The following WNT9A variants were observed in gnomAD, a reference collection of about 807,000 sequenced individuals.
WNT9A encodes the protein protein Wnt-9a.
Under a neutral mutation model 31.4 loss-of-function variants are expected in WNT9A, and 8 were observed. The ratio of observed to expected loss-of-function variants is 0.26; its 90% CI spans 0.15 to 0.46. The LOEUF is 0.46. Ranked by LOEUF, WNT9A falls within the 20% of genes least tolerant of loss-of-function variation. The pLI is 0.99. For synonymous variants in WNT9A, 236 were observed against 220.1 expected (o/e 1.07, Z -0.64); for missense variants, 457 against 522.9 (o/e 0.87, Z 1.23).
At chr1:227,932,978 G>A (rs986813950) in intron 1 of WNT9A, among the ~76,000 whole-genome samples, 1 of 152,220 alleles carries the variant, frequency 6.6e-6, no homozygotes, top group African/African-American at 2.4e-5. Flanking sequence ...ATGGGCATTG[G>A]CTTTAACTTA....
chr1:227,933,000 C>G (rs190761796), intron 1 of WNT9A, among the ~76,000 whole-genome samples: 8 of 152,346 alleles, frequency 5.3e-5, no homozygotes, highest in Non-Finnish European at 1.2e-4. Context: ...AAGTTACCAG[C>G]TGCATTAGCC....
At chr1:227,946,397 C>G (rs1471710035) in intron 1 of WNT9A, among the ~76,000 whole-genome samples, 1 of 152,228 alleles carries the variant, frequency 6.6e-6, no homozygotes, top group Admixed American at 6.5e-5. Flanking sequence ...GGCCGGAGAG[C>G]AGGGAAGCAC....
At chr1:227,940,998 G>A (rs1476353401) in intron 1 of WNT9A, among the ~76,000 whole-genome samples, 3 of 152,394 alleles carry the variant, frequency 2.0e-5, no homozygotes, top group Non-Finnish European at 4.4e-5. Flanking sequence ...AGGAAAACCA[G>A]GGTCACGTCC....
chr1:227,942,736 G>A lies in WNT9A; in HGVS notation c.95+5057C>T, dbSNP rs1167594191. On this transcript the variant is annotated intron_variant, in intron 1 of 3. Coordinates refer to ENST00000272164, the MANE Select transcript of WNT9A (RefSeq NM_003395.4). This position sits in a 1 kb window ranked among gnomAD's most constrained non-coding sequence, Gnocchi z 5.7. ...TGCCAGGCCCCACATGCTTCCTGGG[G>A]TGTCCTAAGTTGTTGGAGGGGGTGG... Among the ~76,000 whole-genome samples the A allele has an allele frequency of 1.3e-5, 2 of 152,132 alleles. No individual in the cohort carries two copies. The highest frequency in any genetic ancestry group is 2.9e-5 in the Non-Finnish European group (2 of 68,004).
At chr1:227,941,189 G>A (rs942426900) in intron 1 of WNT9A, among the ~76,000 whole-genome samples, 1 of 152,218 alleles carries the variant, frequency 6.6e-6, no homozygotes, top group African/African-American at 2.4e-5. Flanking sequence ...TGGGCTGCCA[G>A]GTGAATGAGT....
intron 1 of WNT9A, among the ~76,000 whole-genome samples, chr1:227,938,532 C>T (rs554034904): frequency 2.3e-4 from 35 of 152,202 alleles, no homozygotes; most frequent in African/African-American, 8.2e-4. Context: ...TACACACAGA[C>T]ACACCCATAT....
At position 227,920,311 on chromosome 1, in the gene WNT9A, A is replaced by G. The variant is rs1666288992; in HGVS notation, c.*1207T>C. ...CATCTATCTCGATTTAGTGGTTTCAAACAACTAAGCAGATCAGAGGCAGGG... is the reference window on the plus strand; with the variant it reads ...CATCTATCTCGATTTAGTGGTTTCAGACAACTAAGCAGATCAGAGGCAGGG... On this transcript the variant is annotated 3_prime_UTR_variant, in exon 4 of 4. Coordinates refer to ENST00000272164, the MANE Select transcript of WNT9A (RefSeq NM_003395.4). The G allele has an allele frequency of 6.6e-6, 1 of 152,250 alleles. No homozygotes were observed. The allele number at this position is 152,250 out of a possible 1,614,324, so 9.4% of individuals were successfully genotyped here. A position where few individuals can be genotyped will look rare whatever the true frequency, so the allele number is the denominator to read the frequency against.
Position 227,921,408 on chromosome 1 carries a change from C to A in WNT9A, c.*110G>T, listed in dbSNP as rs1381165982. 7.4e-6 allele frequency: 11 copies of A among 1,495,036 alleles called. No homozygotes were observed. The highest frequency in any genetic ancestry group is 1.3e-5 in the South Asian group (1 of 75,672). 92.6% of individuals were successfully genotyped at this position (1,495,036 alleles called of 1,614,324 possible). ...CACACTGTGTGCAATGCCTGTACCC[C>A]ACGCAGCTGGGCTGGTCGAGCCCAG... On this transcript the variant is annotated 3_prime_UTR_variant, in exon 4 of 4. Coordinates refer to ENST00000272164, the MANE Select transcript of WNT9A (RefSeq NM_003395.4).
At chr1:227,924,109 T>TCCA in intron 3 of WNT9A, 29 bp downstream of exon 3, 1 of 1,105,510 alleles carries the variant, frequency 9.0e-7, no homozygotes, top group Non-Finnish European at 1.2e-6. Context: ...GACCCTCCCT[T>TCCA]CCCACCCCGC....
At position 227,928,355 on chromosome 1, in the gene WNT9A, T is replaced by G. The variant is rs1482562844; in HGVS notation, c.96-2836A>C. ...CAGGCAGGGTGGGCAGGGTGGGCCG[T>G]TGGCACTGTCAGAAGGGTGTGGAGG... is the stretch of plus-strand genomic sequence containing the variant. On this transcript the variant is annotated intron_variant, in intron 1 of 3. Coordinates refer to ENST00000272164, the MANE Select transcript of WNT9A (RefSeq NM_003395.4). The surrounding 1 kb of genome is among the most constrained non-coding windows in gnomAD (Gnocchi z 4.5). Among the ~76,000 whole-genome samples, 1 of 152,020 alleles carries G rather than the reference T, an allele frequency of 6.6e-6. No homozygotes were observed. Among genetic ancestry groups the G allele is most frequent in the South Asian group, 2.1e-4 (1 of 4,826 alleles).
At position 227,924,014 on chromosome 1, in the gene WNT9A, G is replaced by A. The variant is rs563064944; in HGVS notation, c.615+124C>T. On this transcript the variant is annotated intron_variant, in intron 3 of 3. Coordinates refer to ENST00000272164, the MANE Select transcript of WNT9A (RefSeq NM_003395.4). ...GCACGGCCTCCACCCTCCTACAGGA[G>A]GCCACTCCACTGTGTGCCTGCCTGC... 1.5e-5 allele frequency: 20 copies of A among 1,351,720 alleles called. No homozygotes were observed. In the African/African-American group the frequency reaches 2.6e-4, roughly 18 times the overall value. The allele number at this position is 1,351,720 out of a possible 1,614,324, so 83.7% of individuals were successfully genotyped here. A position where few individuals can be genotyped will look rare whatever the true frequency, so the allele number is the denominator to read the frequency against.
At position 227,921,546 on chromosome 1, in the gene WNT9A, C is replaced by A. The variant is rs145836311; in HGVS notation, c.1070G>T (p.Arg357Leu). The change falls in exon 4 of 4, where the codon CGT becomes CTT. Residue 357 changes from arginine (R) to leucine (L), a missense_variant. By Grantham distance (102) the Arg-to-Leu change is moderately radical (BLOSUM62 -2). Transcript: ENST00000272164. ...CYVECRQCTQREEVYTCKG is the reference protein window; with the variant it reads ...CYVECRQCTQLEEVYTCKG ...GCCCTTGCAGGTGTAGACCTCCTCA[C>A]GCTGCGTGCACTGCCTGCACTCCAC... 11 of 1,611,794 alleles carry A rather than the reference C, an allele frequency of 6.8e-6. No individual in the cohort carries two copies. The highest frequency in any genetic ancestry group is 1.1e-5 in the South Asian group (1 of 90,986).
intron 1 of WNT9A, among the ~76,000 whole-genome samples, chr1:227,935,215 G>A (rs1666573987): frequency 6.6e-6 from 1 of 150,710 alleles, no homozygotes; most frequent in Admixed American, 6.6e-5. Flanking sequence ...GCAGACCCCA[G>A]ATCACACCCC....
At chr1:227,944,749 G>C (rs1666768566) in intron 1 of WNT9A, among the ~76,000 whole-genome samples, 2 of 152,262 alleles carry the variant, frequency 1.3e-5, no homozygotes, top group Non-Finnish European at 2.9e-5. Context: ...AGAGAAGGGG[G>C]CAAATTGGCA....
At chr1:227,943,557 G>C (rs2102731893) in intron 1 of WNT9A, among the ~76,000 whole-genome samples, 1 of 152,340 alleles carries the variant, frequency 6.6e-6, no homozygotes, top group Non-Finnish European at 1.5e-5. Context: ...ACACCCACTA[G>C]GATGGCTGCG....
rs142445920 is a variant in WNT9A at position 227,942,881 on chromosome 1, C to T, written c.95+4912G>A. Among the ~76,000 whole-genome samples, 322 of 152,316 alleles carry T rather than the reference C, an allele frequency of 2.1e-3. 1 individual carries two copies. Among genetic ancestry groups the T allele is most frequent in the Middle Eastern group, 0.017 (5 of 294 alleles). On this transcript the variant is annotated intron_variant, in intron 1 of 3. Coordinates refer to ENST00000272164, the MANE Select transcript of WNT9A (RefSeq NM_003395.4). The surrounding 1 kb of genome is among the most constrained non-coding windows in gnomAD (Gnocchi z 5.7). ...CCAGCCATGGGGTCACCCCAGATGC[C>T]GCCTTCTTGCCAGCTCCTTCCCAGG...
chr1:227,929,409 A>T (rs1433361384), intron 1 of WNT9A, among the ~76,000 whole-genome samples: 1 of 152,272 alleles, frequency 6.6e-6, no homozygotes, highest in Non-Finnish European at 1.5e-5. Flanking sequence ...CTTTAAAAAT[A>T]ATCCACTGTA....
In WNT9A at chr1:227,928,945, A is replaced by T. The variant is rs1399924934; in HGVS notation, c.96-3426T>A. 6.6e-6 allele frequency among the ~76,000 whole-genome samples: 1 copy of T among 152,240 alleles called. No homozygotes were observed. Among genetic ancestry groups the T allele is most frequent in the Non-Finnish European group, 1.5e-5 (1 of 68,030 alleles). On this transcript the variant is annotated intron_variant, in intron 1 of 3. Transcript: ENST00000272164. This position sits in a 1 kb window ranked among gnomAD's most constrained non-coding sequence, Gnocchi z 4.5. ...GCGCAGAGTCCAGAGACCAACAGAC[A>T]AATTACATCTGGGGCAAATGCCTAC... is the stretch of plus-strand genomic sequence containing the variant.
chr1:227,922,113 C>A (rs1240715327), intron 3 of WNT9A, 113 bp from the exon 4 acceptor site: 12 of 1,462,342 alleles, frequency 8.2e-6, no homozygotes, highest in Non-Finnish European at 9.0e-7. Context: ...CAGGCCCAGG[C>A]CCTGCCGGCG....
Sources: allele counts gnomAD v4.1 joint callset (sites outside exome capture counted in the v4.1 genomes callset), GRCh38; gene constraint gnomAD v4.1.1; non-coding constraint Gnocchi (gnomAD v3.1); transcripts MANE v1.5; gene names NCBI Gene and HGNC (gene_info 2026-07-23, HGNC 2026-07-21).